The following HGD variants were observed in gnomAD, a reference collection of about 807,000 sequenced individuals.
HGD encodes homogentisate 1,2-dioxygenase.
HGD carries 61 observed loss-of-function variants against 60.8 expected under a neutral mutation model. The observed-to-expected ratio is 1.00, with a 90% CI of 0.82 to 1.24. The LOEUF (loss-of-function observed/expected upper bound fraction) is 1.24. HGD is among the 50% of genes most tolerant of loss of function. The probability of loss-of-function intolerance (pLI) is 0.00; values close to 1 mark genes in which losing one functional copy is unlikely to be tolerated. For missense variants in HGD, 542 were observed against 547.1 expected (o/e 0.99, Z 0.09); for synonymous variants, 212 against 187.7 (o/e 1.13, Z -1.06).
intron 13 of HGD, among the ~76,000 whole-genome samples, chr3:120,631,205 T>C (rs917721449): frequency 6.6e-6 from 1 of 151,308 alleles, no homozygotes; most frequent in African/African-American, 2.4e-5. Flanking sequence ...TAACAAATCT[T>C]CACATGTACC....
At chr3:120,629,017 T>C (rs1294755755) in intron 13 of HGD, among the ~76,000 whole-genome samples, 1 of 152,144 alleles carries the variant, frequency 6.6e-6, no homozygotes, top group Non-Finnish European at 1.5e-5. Flanking sequence ...GATTTGAGCC[T>C]GTCTTTTCAG....
At chr3:120,652,411 G>C (rs1349366274) in intron 5 of HGD, among the ~76,000 whole-genome samples, 181 bp downstream of exon 5, 1 of 152,064 alleles carries the variant, frequency 6.6e-6, no homozygotes, top group African/African-American at 2.4e-5. Context: ...GGTGTCAGGG[G>C]CCATATGGTT....
chr3:120,661,480 A>G (rs1025900091), intron 4 of HGD, among the ~76,000 whole-genome samples: 12 of 152,222 alleles, frequency 7.9e-5, no homozygotes, highest in African/African-American at 2.9e-4. Flanking sequence ...CAGGTAATCC[A>G]TTACAGAAGA....
chr3:120,644,585 T>C, intron 9 of HGD, 142 bp from the exon 10 acceptor site: 2 of 1,544,746 alleles, frequency 1.3e-6, no homozygotes, highest in East Asian at 4.8e-5. Flanking sequence ...TCACTGCATT[T>C]CCAGTCTGGT....
chr3:120,665,777 A>G lies in HGD; in HGVS notation c.282+4650T>C, dbSNP rs138373016. 1.0e-2 allele frequency among the ~76,000 whole-genome samples: 1,517 copies of G among 152,356 alleles called. 30 individuals are homozygous for G. Among genetic ancestry groups the G allele is most frequent in the African/African-American group, 0.035 (1,462 of 41,588 alleles). ...CTGGAGGAATCATCAGGCAGTCCTC[A>G]GGTCTTCAAATTCCCAGAGATGACT... On this transcript the variant is annotated intron_variant, in intron 4 of 13. Coordinates refer to ENST00000283871, the MANE Select transcript of HGD (RefSeq NM_000187.4).
intron 11 of HGD, among the ~76,000 whole-genome samples, chr3:120,640,479 A>C (rs1940935143): frequency 6.6e-6 from 1 of 152,234 alleles, no homozygotes; most frequent in Non-Finnish European, 1.5e-5. Flanking sequence ...ATCCTAAGCC[A>C]TGGGAAGCCT....
chr3:120,671,949 G>T (rs1220201989), intron 3 of HGD, among the ~76,000 whole-genome samples: 1 of 151,108 alleles, frequency 6.6e-6, no homozygotes, highest in East Asian at 2.0e-4. Context: ...AGAACACATG[G>T]ACACAGTGAG....
chr3:120,644,643 A>G, intron 9 of HGD, 200 bp from the exon 10 acceptor site: 1 of 1,520,708 alleles, frequency 6.6e-7, no homozygotes, highest in Non-Finnish European at 8.8e-7. Flanking sequence ...AATTCACAAA[A>G]ACCAGCATTA....
In HGD at chr3:120,628,370, T is replaced by A. The variant is rs1553715345; in HGVS notation, c.*10A>T. The A allele has an allele frequency of 1.2e-6, 2 of 1,613,378 alleles. No individual in the cohort carries two copies. The highest frequency in any genetic ancestry group is 1.7e-6 in the Non-Finnish European group (2 of 1,179,482). On this transcript the variant is annotated 3_prime_UTR_variant, in exon 14 of 14. Coordinates refer to ENST00000283871, the MANE Select transcript of HGD (RefSeq NM_000187.4). ...AATCTACTCTTAATTATGGTAGCAA[T>A]GTTCCAGTCTCAATTAGGTTCTGCT... is the stretch of plus-strand genomic sequence containing the variant.
intron 4 of HGD, among the ~76,000 whole-genome samples, chr3:120,658,372 G>C (rs139597927): frequency 8.2e-4 from 125 of 152,326 alleles, no homozygotes; most frequent in Non-Finnish European, 1.6e-3. Flanking sequence ...ACACAGCAGG[G>C]AAGTCATTAA....
Position 120,646,295 on chromosome 3 carries a change from G to A in HGD, c.621C>T (p.His207=), listed in dbSNP as rs766190144. Residue 207 remains histidine (H), a synonymous_variant, in exon 9 of 14, where the codon CAC becomes CAT. Coordinates refer to ENST00000283871, the MANE Select transcript of HGD (RefSeq NM_000187.4). ...TTGGTCCAAGGTCAGGTAACTCAAA[G>A]TGGACACCATAGACCTCCAAGATGT... The part of the protein sequence containing the change: ...RGYILEVYGV[H]FELPDLGPIG... 1 of 1,612,624 alleles carries A rather than the reference G, an allele frequency of 6.2e-7. No individual in the cohort carries two copies. The highest frequency in any genetic ancestry group is 8.5e-7 in the Non-Finnish European group (1 of 1,178,662).
chr3:120,669,815 A>G (rs751096917), intron 4 of HGD, among the ~76,000 whole-genome samples: 4 of 152,210 alleles, frequency 2.6e-5, no homozygotes, highest in South Asian at 4.1e-4. Flanking sequence ...CCTTTGCCCA[A>G]TTAAACTCTG....
At chr3:120,668,097 T>C (rs1231833202) in intron 4 of HGD, among the ~76,000 whole-genome samples, 1 of 152,192 alleles carries the variant, frequency 6.6e-6, no homozygotes, top group East Asian at 1.9e-4. Flanking sequence ...TTTTGCAATG[T>C]GCTTAAAGGC....
chr3:120,674,800 TG>T, intron 3 of HGD, 100 bp downstream of exon 3: 1 of 792,814 alleles, frequency 1.3e-6, no homozygotes, highest in Admixed American at 1.7e-5. Context: ...AGCAGGATCT[TG>T]GGCAGCTCTG....
intron 3 of HGD, among the ~76,000 whole-genome samples, chr3:120,671,908 G>A (rs1348178194): frequency 6.6e-6 from 1 of 151,520 alleles, no homozygotes; most frequent in African/African-American, 2.4e-5. Context: ...AACACTGCAT[G>A]TTCTCACTCA....
intron 4 of HGD, among the ~76,000 whole-genome samples, chr3:120,660,881 GGATTCTCATTTGAC>G (rs1332615842): frequency 4.7e-4 from 71 of 152,238 alleles, no homozygotes; most frequent in African/African-American, 1.7e-3. Context: ...ATGAAAACTT[GGATTCTCATTTGAC>G]CTTGTCCTTG....
chr3:120,666,083 T>C (rs1467354294), intron 4 of HGD, among the ~76,000 whole-genome samples: 1 of 152,158 alleles, frequency 6.6e-6, no homozygotes. Flanking sequence ...GGGTAGATTT[T>C]GCAAGATCAG....
At chr3:120,646,440 T>C in intron 8 of HGD, 74 bp from the exon 9 acceptor site, 4 of 921,422 alleles carry the variant, frequency 4.3e-6, no homozygotes, top group South Asian at 1.3e-5. Context: ...CCCAGAGCCA[T>C]AGCCCATCCC....
Position 120,652,592 on chromosome 3 carries a change from A to G in HGD, c.342T>C (p.Ser114=). The G allele has an allele frequency of 6.2e-7, 1 of 1,611,102 alleles. No homozygotes were observed. Among genetic ancestry groups the G allele is most frequent in the Non-Finnish European group, 8.5e-7 (1 of 1,177,356 alleles). Residue 114 remains serine (S), a splice_region_variant and synonymous_variant, in exon 5 of 14, where the codon AGT becomes AGC. Transcript: ENST00000283871. ...KASQKKVDFV[S]GLHTLCGAGD... Reference sequence around the variant, plus strand: ...GAGGGTGTGGATGGGACTGACTTACACTCACAAAGTCTACTTTCTTCTGAG... The same window carrying G: ...GAGGGTGTGGATGGGACTGACTTACGCTCACAAAGTCTACTTTCTTCTGAG...
Sources: allele counts gnomAD v4.1 joint callset (sites outside exome capture counted in the v4.1 genomes callset), GRCh38; gene constraint gnomAD v4.1.1; transcripts MANE v1.5; gene names NCBI Gene and HGNC (gene_info 2026-07-23, HGNC 2026-07-21).